Variants in DNAJC2 observed in about 807,000 individuals in gnomAD.
The protein encoded by DNAJC2 is dnaJ homolog subfamily C member 2.
In DNAJC2, 32 loss-of-function variants were observed where a neutral mutation model predicts 94.0. That is an observed-to-expected ratio of 0.34 (90% CI 0.26 to 0.46). The LOEUF (loss-of-function observed/expected upper bound fraction) is 0.46. Among genes scored for constraint, DNAJC2 ranks in the 20% least tolerant of loss-of-function variants. The pLI is 1.00. For missense variants in DNAJC2, 550 were observed against 719.5 expected (o/e 0.76, Z 2.69); for synonymous variants, 210 against 229.7 (o/e 0.91, Z 0.77).
chr7:103,322,187 G>T, intron 9 of DNAJC2, 106 bp from the exon 10 acceptor site: 2 of 869,574 alleles, frequency 2.3e-6, no homozygotes, highest in African/African-American at 1.7e-5. Context: ...AGGAAAAAAG[G>T]CAACATAAAC....
chr7:103,312,962 G>A lies in DNAJC2; in HGVS notation c.1776C>T (p.Cys592=), dbSNP rs757786031. Residue 592 remains cysteine (C), a synonymous_variant, in exon 16 of 17, where the codon TGC becomes TGT. Coordinates refer to ENST00000379263, the MANE Select transcript of DNAJC2 (RefSeq NM_014377.3). The part of the protein sequence containing the change: ...EAVPGRTKKD[C]MKRYKELVEM... ...AGTCTGCAACCTTGTATCGTTTCAT[G>A]CAGTCCTTCTTTGTCCTGCCAGGCA... 2 of 1,613,128 alleles carry A rather than the reference G, an allele frequency of 1.2e-6. No homozygotes were observed. The highest frequency in any genetic ancestry group is 1.7e-6 in the Non-Finnish European group (2 of 1,179,736).
intron 3 of DNAJC2, among the ~76,000 whole-genome samples, chr7:103,332,247 C>T (rs1348717164): frequency 1.3e-5 from 2 of 152,174 alleles, no homozygotes; most frequent in Non-Finnish European, 2.9e-5. Flanking sequence ...CCTCATGATC[C>T]GCCCGCCTTG....
intron 15 of DNAJC2, chr7:103,314,604 T>TA: frequency 2.0e-6 from 2 of 985,400 alleles, no homozygotes; most frequent in Non-Finnish European, 2.4e-6. Flanking sequence ...TAAACTCCTT[T>TA]ATAAAGAAGT....
intron 2 of DNAJC2, 53 bp from the exon 3 acceptor site, chr7:103,337,864 C>G: frequency 7.5e-7 from 1 of 1,329,920 alleles, no homozygotes; most frequent in African/African-American, 1.5e-5. Flanking sequence ...CAATATATTC[C>G]ATCCCTTGTG....
rs1031031411 is a variant in DNAJC2 at position 103,337,541 on chromosome 7, A to G, written c.331+195T>C. On this transcript the variant is annotated intron_variant, in intron 3 of 16. Coordinates refer to ENST00000379263, the MANE Select transcript of DNAJC2 (RefSeq NM_014377.3). ...TTTCTTATCCCTAATGGGAAAGTCT[A>G]TATGTAAAATGGATTGCTTTCTTCT... 46 of 529,684 alleles carry G rather than the reference A, an allele frequency of 8.7e-5. No individual in the cohort carries two copies. The Admixed American group carries it at 1.5e-3, about 17-fold the overall frequency. 32.8% of individuals were successfully genotyped at this position (529,684 alleles called of 1,614,324 possible).
chr7:103,333,074 C>G (rs570623113), intron 3 of DNAJC2, among the ~76,000 whole-genome samples: 2 of 151,172 alleles, frequency 1.3e-5, no homozygotes, highest in South Asian at 2.1e-4. Flanking sequence ...CCAAAATCCT[C>G]CAGTGAACAT....
chr7:103,332,753 A>C (rs1220005250), intron 3 of DNAJC2, among the ~76,000 whole-genome samples: 1 of 151,998 alleles, frequency 6.6e-6, no homozygotes, highest in African/African-American at 2.4e-5. Flanking sequence ...CCTTCTGAGC[A>C]GCTGGGACCA....
intron 3 of DNAJC2, among the ~76,000 whole-genome samples, chr7:103,328,415 G>C (rs950402621): frequency 3.9e-5 from 6 of 151,970 alleles, no homozygotes; most frequent in Admixed American, 2.6e-4. Flanking sequence ...AGGATCACTT[G>C]AGGTCAGGAG....
In DNAJC2 at chr7:103,344,594, C is replaced by G. The variant is rs1819528290; in HGVS notation, c.29G>C (p.Gly10Ala). The G allele has an allele frequency of 6.2e-7, 1 of 1,612,742 alleles. No homozygotes were observed. The change falls in exon 1 of 17, where the codon GGC (glycine) becomes GCC (alanine). Residue 10 changes from glycine (G) to alanine (A), a missense_variant. By Grantham distance (60) the Gly-to-Ala change is moderately conservative (BLOSUM62 0). Transcript: ENST00000379263. ...AGCGTGGGTGATGGCGGTGCCCCGG[C>G]CGTCCGCGGCGCTTGGCAGAAGCAG... MLLLPSAAD[G>A]RGTAITHALT... is the part of the protein sequence containing the mutation.
At chr7:103,326,773 A>T (rs1373043058) in intron 4 of DNAJC2, 89 bp from the exon 5 acceptor site, 29 of 1,307,788 alleles carry the variant, frequency 2.2e-5, no homozygotes, top group Non-Finnish European at 3.0e-5. Flanking sequence ...TAAAACATAG[A>T]AGTCATTAAT....
At chr7:103,312,774 G>C (rs1817821701) in intron 16 of DNAJC2, 131 bp from the exon 17 acceptor site, 1 of 1,511,718 alleles carries the variant, frequency 6.6e-7, no homozygotes, top group Non-Finnish European at 8.8e-7. Context: ...TTATCTGCCA[G>C]GGCCTAGAAA....
chr7:103,312,901 G>A (rs764271264), intron 16 of DNAJC2, 46 bp downstream of exon 16: 1 of 1,580,294 alleles, frequency 6.3e-7, no homozygotes, highest in East Asian at 2.2e-5. Context: ...TATCACCCAA[G>A]CTACAATTTA....
chr7:103,321,618 C>T (rs1818419052), intron 10 of DNAJC2, among the ~76,000 whole-genome samples: 3 of 151,360 alleles, frequency 2.0e-5, no homozygotes, highest in East Asian at 2.0e-4. Flanking sequence ...GAGGCCAAGG[C>T]GGGGAGATCA....
chr7:103,341,002 G>A (rs1163891483), intron 2 of DNAJC2, among the ~76,000 whole-genome samples: 1 of 152,120 alleles, frequency 6.6e-6, no homozygotes, highest in African/African-American at 2.4e-5. Context: ...CGCTAATGCT[G>A]GGAAGGACCT....
intron 9 of DNAJC2, 96 bp from the exon 10 acceptor site, chr7:103,322,177 AG>A (rs1818456722): frequency 2.1e-5 from 20 of 937,348 alleles, no homozygotes; most frequent in Non-Finnish European, 2.9e-5. Context: ...AAATTATATT[AG>A]GAAAAAAGGC....
intron 15 of DNAJC2, 38 bp downstream of exon 15, chr7:103,315,726 T>G (rs1216540805): frequency 7.2e-7 from 1 of 1,382,314 alleles, no homozygotes; most frequent in African/African-American, 1.4e-5. Context: ...CACAGATACA[T>G]GGCTAGCATT....
intron 10 of DNAJC2, 138 bp from the exon 11 acceptor site, chr7:103,319,982 T>C: frequency 1.3e-6 from 1 of 796,510 alleles, no homozygotes; most frequent in Non-Finnish European, 2.1e-6. Context: ...TGCAGCAAAC[T>C]GAGATCACGC....
intron 5 of DNAJC2, 125 bp downstream of exon 5, chr7:103,326,418 G>GGAGGAA (rs1818709898): frequency 3.2e-6 from 3 of 929,320 alleles, no homozygotes; most frequent in Non-Finnish European, 5.0e-6. Context: ...AGGAGGAGGA[G>GGAGGAA]GAGGAAGAGA....
chr7:103,339,814 T>C (rs1473741124), intron 2 of DNAJC2, among the ~76,000 whole-genome samples: 1 of 151,936 alleles, frequency 6.6e-6, no homozygotes, highest in Non-Finnish European at 1.5e-5. Context: ...GACCTCTTTC[T>C]GAAGCAGTGA....
Sources: gnomAD v4.1 joint callset for allele counts (sites outside exome capture counted in the v4.1 genomes callset) on GRCh38, gnomAD v4.1.1 for gene constraint, MANE v1.5 for transcripts, NCBI Gene and HGNC (gene_info 2026-07-23, HGNC 2026-07-21) for gene names.